ERC2: variants seen among roughly 807,000 people sequenced by gnomAD.
ERC2 encodes the protein ERC protein 2.
Under a neutral mutation model 114.8 loss-of-function variants are expected in ERC2, and 42 were observed. The ratio of observed to expected loss-of-function variants is 0.37; its 90% CI spans 0.29 to 0.47. ERC2 has a LOEUF of 0.47. Ranked by LOEUF, ERC2 falls within the 20% of genes least tolerant of loss-of-function variation. The probability of loss-of-function intolerance (pLI) is 0.99; values close to 1 mark genes in which losing one functional copy is unlikely to be tolerated. For synonymous variants in ERC2, 454 were observed against 425.5 expected, an observed-to-expected ratio of 1.07 and a Z score of -0.82; for missense variants, 939 against 1,150.7, an observed-to-expected ratio of 0.82 and a Z score of 2.66.
chr3:56,052,309 C>T (rs886216108), intron 7 of ERC2, among the ~76,000 whole-genome samples: 23 of 152,146 alleles, frequency 1.5e-4, no homozygotes, highest in Non-Finnish European at 3.1e-4. Context: ...GTTCTCAATC[C>T]ACTTTAGGTT....
At chr3:56,180,092 A>G (rs1395532428) in intron 3 of ERC2, among the ~76,000 whole-genome samples, 2 of 152,180 alleles carry the variant, frequency 1.3e-5, no homozygotes, top group African/African-American at 4.8e-5. Flanking sequence ...CCTGGAGATC[A>G]AGTGAAGCAG....
intron 6 of ERC2, among the ~76,000 whole-genome samples, chr3:56,127,311 GAAAAATAATCCT>G (rs1324010296): frequency 1.3e-5 from 2 of 152,074 alleles, no homozygotes; most frequent in African/African-American, 4.8e-5. Flanking sequence ...CACAGAAATT[GAAAAATAATCCT>G]AAAATGTGTA....
At chr3:55,647,883 C>T (rs2060460032) in intron 17 of ERC2, among the ~76,000 whole-genome samples, 2 of 152,360 alleles carry the variant, frequency 1.3e-5, no homozygotes, top group Admixed American at 6.5e-5. Context: ...GGTCCTGCTG[C>T]AGCCGCCTCG....
At chr3:56,260,266 C>G (rs540651546) in intron 3 of ERC2, among the ~76,000 whole-genome samples, 99 of 152,306 alleles carry the variant, frequency 6.5e-4, no homozygotes, top group Middle Eastern at 3.4e-3. Flanking sequence ...AGTCCTGGGA[C>G]TCTCTGCCAC....
intron 2 of ERC2, among the ~76,000 whole-genome samples, chr3:56,345,968 C>A (rs1005660266): frequency 6.6e-6 from 1 of 150,396 alleles, no homozygotes; most frequent in Admixed American, 6.6e-5. Flanking sequence ...CAAAGTCTCA[C>A]TGTATTTACA....
At chr3:55,772,095 G>A (rs1290974049) in intron 14 of ERC2, among the ~76,000 whole-genome samples, 5 of 152,092 alleles carry the variant, frequency 3.3e-5, no homozygotes, top group Admixed American at 6.5e-5. Flanking sequence ...GGTACTCTAG[G>A]CATACAGTAA....
chr3:55,760,879 T>C (rs1193598025), intron 14 of ERC2, among the ~76,000 whole-genome samples: 1 of 152,184 alleles, frequency 6.6e-6, no homozygotes, highest in Non-Finnish European at 1.5e-5. Context: ...GATTTGTTTC[T>C]AGAATAGGAG....
At chr3:55,631,366 C>T (rs904835000) in intron 17 of ERC2, among the ~76,000 whole-genome samples, 1 of 152,156 alleles carries the variant, frequency 6.6e-6, no homozygotes, top group Non-Finnish European at 1.5e-5. Context: ...CTCAGATGCA[C>T]AAGTTGGTTT....
chr3:56,419,812 C>T (rs1420808850), intron 2 of ERC2, among the ~76,000 whole-genome samples: 2 of 152,168 alleles, frequency 1.3e-5, no homozygotes, highest in Non-Finnish European at 2.9e-5. Flanking sequence ...CCAGATTATG[C>T]ACACCTTTCT....
intron 2 of ERC2, among the ~76,000 whole-genome samples, chr3:56,430,816 C>G (rs1181938059): frequency 2.6e-5 from 4 of 152,014 alleles, no homozygotes; most frequent in Non-Finnish European, 5.9e-5. Flanking sequence ...GATAATAAAT[C>G]ACATTCTTAA....
intron 2 of ERC2, among the ~76,000 whole-genome samples, chr3:56,318,805 G>A (rs567845061): frequency 4.0e-5 from 6 of 151,550 alleles, no homozygotes; most frequent in African/African-American, 1.5e-4. Context: ...GCTAAAGAGG[G>A]TCTGGATGCA....
At chr3:56,272,809 C>G (rs1381888304) in intron 3 of ERC2, among the ~76,000 whole-genome samples, 1 of 152,100 alleles carries the variant, frequency 6.6e-6, no homozygotes, top group Non-Finnish European at 1.5e-5. Context: ...AAATGGGTAA[C>G]TGCAGGAACA....
At position 55,992,139 on chromosome 3, in the gene ERC2, C is replaced by T. The variant is rs776142715; in HGVS notation, c.2173G>A (p.Glu725Lys). 1.2e-6 allele frequency: 2 copies of T among 1,613,864 alleles called. No individual in the cohort carries two copies. The highest frequency in any genetic ancestry group is 2.7e-5 in the African/African-American group (2 of 74,896). The change falls in exon 11 of 18, where the codon GAA becomes AAA. Residue 725 changes from glutamate (E) to lysine (K), a missense_variant. By Grantham distance (56) the Glu-to-Lys change is moderately conservative. Around this residue, in one of 5 missense-constraint regions of ERC2, gnomAD observed 328 missense variants for 353.9 expected, o/e 0.93. Transcript: ENST00000288221. ...AGGATCTCCAGCAACCGGTCCACTT[C>T]CGCTTGGGCCTTGCCACACTCGTCG... is the stretch of plus-strand genomic sequence containing the variant. ...YRDECGKAQAEVDRLLEILKE... is the reference protein window; with the variant it reads ...YRDECGKAQAKVDRLLEILKE...
At chr3:56,337,058 C>T (rs981761040) in intron 2 of ERC2, among the ~76,000 whole-genome samples, 2 of 152,134 alleles carry the variant, frequency 1.3e-5, no homozygotes, top group Admixed American at 6.5e-5. Context: ...TCAAAAAAAC[C>T]ACCTCTGGGT....
chr3:55,756,011 A>G (rs918323710), intron 14 of ERC2, among the ~76,000 whole-genome samples: 1 of 152,166 alleles, frequency 6.6e-6, no homozygotes, highest in African/African-American at 2.4e-5. Context: ...GGGGCCAGAC[A>G]CAGAACAGGT....
intron 2 of ERC2, among the ~76,000 whole-genome samples, chr3:56,397,188 A>G (rs1366904193): frequency 6.6e-6 from 1 of 152,152 alleles, no homozygotes; most frequent in Non-Finnish European, 1.5e-5. Flanking sequence ...ACAAAAAGAT[A>G]CAGTTAAAAA....
intron 7 of ERC2, among the ~76,000 whole-genome samples, chr3:56,037,485 G>C (rs1480780348): frequency 6.6e-6 from 1 of 152,114 alleles, no homozygotes; most frequent in South Asian, 2.1e-4. Context: ...AAATAAGACA[G>C]TCAGACGAGA....
intron 6 of ERC2, among the ~76,000 whole-genome samples, chr3:56,106,780 CA>C (rs1049036695): frequency 2.6e-5 from 4 of 152,056 alleles, no homozygotes; most frequent in Non-Finnish European, 5.9e-5. Context: ...CTTGTGCTAG[CA>C]AGTCACTGGA....
chr3:56,410,148 C>T (rs994143095), intron 2 of ERC2, among the ~76,000 whole-genome samples: 7 of 152,210 alleles, frequency 4.6e-5, no homozygotes, highest in Middle Eastern at 3.4e-3. Flanking sequence ...AATTAAAAAG[C>T]GATGGCTTTC....
Sources: gnomAD v4.1 joint callset for allele counts (sites outside exome capture counted in the v4.1 genomes callset) on GRCh38, gnomAD v4.1.1 for gene constraint, gnomAD v4.1.1 regional missense constraint, MANE v1.5 for transcripts, NCBI Gene and HGNC (gene_info 2026-07-23, HGNC 2026-07-21) for gene names.